RAB32: variants seen among roughly 807,000 people sequenced by gnomAD.
RAB32 encodes ras-related protein Rab-32.
A neutral mutation model predicts 17.5 loss-of-function variants in RAB32; 17 were observed. The observed-to-expected ratio is 0.97, with a 90% CI of 0.67 to 1.46. RAB32 has a LOEUF of 1.46. RAB32 is among the 40% of genes most tolerant of loss of function. The probability of loss-of-function intolerance (pLI) is 0.00; values close to 1 mark genes in which losing one functional copy is unlikely to be tolerated. For missense variants in RAB32, 288 were observed against 284.3 expected, an observed-to-expected ratio of 1.01 and a Z score of -0.09; for synonymous variants, 115 against 111.1, an observed-to-expected ratio of 1.04 and a Z score of -0.22.
At chr6:146,551,021 G>C (rs2114785885) in intron 2 of RAB32, among the ~76,000 whole-genome samples, 1 of 152,188 alleles carries the variant, frequency 6.6e-6, no homozygotes, top group South Asian at 2.1e-4. Flanking sequence ...CTTACCCTTA[G>C]AGTGAAAAAC....
At chr6:146,546,410 T>C (rs984279849) in intron 1 of RAB32, among the ~76,000 whole-genome samples, 2 of 148,034 alleles carry the variant, frequency 1.4e-5, no homozygotes, top group Non-Finnish European at 3.0e-5. Context: ...GGGAGAAAAA[T>C]AGCTTAGTGA....
chr6:146,552,012 A>C (rs1779903927), intron 2 of RAB32, among the ~76,000 whole-genome samples: 1 of 152,218 alleles, frequency 6.6e-6, no homozygotes, highest in Non-Finnish European at 1.5e-5. Flanking sequence ...ACTAAGGTAC[A>C]CTTCTGAGCT....
chr6:146,545,274 A>G (rs1195114241), intron 1 of RAB32, among the ~76,000 whole-genome samples: 1 of 136,786 alleles, frequency 7.3e-6, no homozygotes. Flanking sequence ...CTATCTCAGA[A>G]AAAAAAAAAA....
intron 1 of RAB32, among the ~76,000 whole-genome samples, chr6:146,548,641 G>C (rs1302787765): frequency 1.3e-5 from 2 of 152,118 alleles, no homozygotes; most frequent in African/African-American, 4.8e-5. Context: ...GTCTTCTTTA[G>C]TCAGTGCCAC....
At chr6:146,545,066 A>AC (rs1779803484) in intron 1 of RAB32, among the ~76,000 whole-genome samples, 2 of 152,126 alleles carry the variant, frequency 1.3e-5, no homozygotes, top group South Asian at 4.2e-4. Context: ...TGTTAGTGAG[A>AC]CCCTGTCTCT....
chr6:146,551,892 C>T (rs1008590996), intron 2 of RAB32, among the ~76,000 whole-genome samples: 1 of 152,146 alleles, frequency 6.6e-6, no homozygotes, highest in Admixed American at 6.5e-5. Flanking sequence ...GAAGCAGCTT[C>T]TGTAGAATTT....
intron 1 of RAB32, among the ~76,000 whole-genome samples, chr6:146,546,782 GTTTTTTTTTT>G (rs962778741): frequency 5.9e-5 from 7 of 118,518 alleles, no homozygotes; most frequent in Non-Finnish European, 8.6e-5. Context: ...TACTAGTTAG[GTTTTTTTTTT>G]TTTTTTTTTT....
At chr6:146,553,840 A>C (rs961352846) in intron 2 of RAB32, among the ~76,000 whole-genome samples, 1 of 152,194 alleles carries the variant, frequency 6.6e-6, no homozygotes, top group Non-Finnish European at 1.5e-5. Context: ...AAAAATAAGC[A>C]CAGTTTTTGC....
At position 146,549,339 on chromosome 6, in the gene RAB32, G is replaced by A; in HGVS notation, c.251-125G>A. The A allele has an allele frequency of 4.0e-6, 3 of 745,004 alleles. No homozygotes were observed. In the South Asian group the frequency reaches 5.6e-5, roughly 14 times the overall value. The allele number at this position is 745,004 out of a possible 1,614,324, so 46.1% of individuals were successfully genotyped here. The stretch of plus-strand genomic sequence containing the variant: ...GTATGGATAGCCTTAATCACACCAG[G>A]TTATATTGCTGTGGAATGGAAGACA... On this transcript the variant is annotated intron_variant, in intron 1 of 2. Coordinates refer to ENST00000367495, the MANE Select transcript of RAB32 (RefSeq NM_006834.5).
In RAB32 at chr6:146,549,465, G is replaced by A. The variant is rs193085576; in HGVS notation, c.252G>A (p.Gly84=). The change falls in exon 2 of 3, where the codon GGG becomes GGA. Residue 84 remains glycine (G), a splice_region_variant and synonymous_variant. Transcript: ENST00000367495. ...ATTTTTTCTTATATTTATGTCTAGG[G>A]CAGGAGCGATTTGGCAACATGACCC... The part of the protein sequence containing the change: ...LVRLQLWDIA[G]QERFGNMTRV... 2.4e-4 allele frequency: 390 copies of A among 1,613,004 alleles called. 3 individuals are homozygous for A. In the Admixed American group the frequency reaches 6.4e-3, roughly 26 times the overall value.
At chr6:146,544,415 G>A (rs1779795479) in intron 1 of RAB32, among the ~76,000 whole-genome samples, 2 of 152,102 alleles carry the variant, frequency 1.3e-5, no homozygotes, top group African/African-American at 4.8e-5. Flanking sequence ...TCTGAATAAT[G>A]CAAGTATATC....
rs1779936844 is a variant in RAB32 at position 146,554,570 on chromosome 6, A to G, written c.643A>G (p.Thr215Ala). 6.2e-7 allele frequency: 1 copy of G among 1,613,684 alleles called. No homozygotes were observed. The highest frequency in any genetic ancestry group is 1.3e-5 in the African/African-American group (1 of 75,018). ...GGACAAAATTAAGCTAGATCAAGAGACCTTGAGAGCAGAGAACAAATCCCA... is the reference window on the plus strand; with the variant it reads ...GGACAAAATTAAGCTAGATCAAGAGGCCTTGAGAGCAGAGAACAAATCCCA... ...DVDKIKLDQE[T>A]LRAENKSQCC is the part of the protein sequence containing the mutation. Residue 215 changes from threonine (T) to alanine (A), a missense_variant, in exon 3 of 3, where the codon ACC becomes GCC. Coordinates refer to ENST00000367495, the MANE Select transcript of RAB32 (RefSeq NM_006834.5).
intron 2 of RAB32, 48 bp downstream of exon 2, chr6:146,549,789 C>T (rs951997257): frequency 6.4e-7 from 1 of 1,557,798 alleles, no homozygotes; most frequent in African/African-American, 1.4e-5. Flanking sequence ...GCTCATAATT[C>T]TGAGCTGTAA....
At chr6:146,548,418 A>C (rs2114783587) in intron 1 of RAB32, among the ~76,000 whole-genome samples, 1 of 152,346 alleles carries the variant, frequency 6.6e-6, no homozygotes, top group Middle Eastern at 3.4e-3. Context: ...GTGTCAATAA[A>C]ATGTAGATAA....
intron 1 of RAB32, among the ~76,000 whole-genome samples, chr6:146,546,746 A>G (rs1259519930): frequency 2.0e-5 from 3 of 151,172 alleles, no homozygotes; most frequent in African/African-American, 7.3e-5. Context: ...GCTACTTGCC[A>G]TAACTAAGTT....
At chr6:146,545,273 A>G (rs887356452) in intron 1 of RAB32, among the ~76,000 whole-genome samples, 11 of 132,144 alleles carry the variant, frequency 8.3e-5, no homozygotes, top group Non-Finnish European at 1.4e-4. Flanking sequence ...CCTATCTCAG[A>G]AAAAAAAAAA....
intron 2 of RAB32, among the ~76,000 whole-genome samples, chr6:146,551,742 A>G (rs1247835991): frequency 6.6e-6 from 1 of 152,166 alleles, no homozygotes; most frequent in African/African-American, 2.4e-5. Flanking sequence ...GTAAGACGTC[A>G]TGTGACTAGT....
At chr6:146,548,470 A>G (rs1012266169) in intron 1 of RAB32, among the ~76,000 whole-genome samples, 15 of 152,226 alleles carry the variant, frequency 9.9e-5, no homozygotes, top group African/African-American at 3.6e-4. Flanking sequence ...TGTCTTTATC[A>G]TAGAACAGAG....
intron 2 of RAB32, among the ~76,000 whole-genome samples, chr6:146,552,556 A>G (rs1779909514): frequency 6.6e-6 from 1 of 152,170 alleles, no homozygotes; most frequent in African/African-American, 2.4e-5. Flanking sequence ...GTGTAAGAGT[A>G]TATGCATATA....
Sources: allele counts gnomAD v4.1 joint callset (sites outside exome capture counted in the v4.1 genomes callset), GRCh38; gene constraint gnomAD v4.1.1; transcripts MANE v1.5; gene names NCBI Gene and HGNC (gene_info 2026-07-23, HGNC 2026-07-21).